The following UNC13C variants were observed in gnomAD, a reference collection of about 807,000 sequenced individuals.
The protein encoded by UNC13C is protein unc-13 homolog C.
UNC13C carries 174 observed loss-of-function variants against 245.4 expected under a neutral mutation model. That is an observed-to-expected ratio of 0.71 (90% CI 0.63 to 0.80). The LOEUF (loss-of-function observed/expected upper bound fraction) is 0.80. Ranked by LOEUF, UNC13C falls within the 30% of genes least tolerant of loss-of-function variation. The pLI, the probability that UNC13C is intolerant of heterozygous loss-of-function variation, is 0.00. For synonymous variants in UNC13C, 992 were observed against 895.1 expected (o/e 1.11, Z -1.93); for missense variants, 2,829 against 2,602.9 (o/e 1.09, Z -1.89).
chr15:54,279,577 T>G lies in UNC13C; in HGVS notation c.3818+14081T>G, dbSNP rs367980780. Among the ~76,000 whole-genome samples, 4 of 152,314 alleles carry G rather than the reference T, an allele frequency of 2.6e-5. No homozygotes were observed. In the East Asian group the frequency reaches 5.8e-4, roughly 22 times the overall value. ...ATTTCCATCATTGCCTCAAAGTTTC[T>G]TGAAAGATGGCAGCTCTTCTTTTCT... On this transcript the variant is annotated intron_variant, in intron 10 of 32. Coordinates refer to ENST00000260323, the MANE Select transcript of UNC13C (RefSeq NM_001080534.3).
chr15:54,062,104 G>C (rs1897867019), intron 2 of UNC13C, among the ~76,000 whole-genome samples: 1 of 152,036 alleles, frequency 6.6e-6, no homozygotes, highest in African/African-American at 2.4e-5. Flanking sequence ...TGGATCACCT[G>C]AGGTCAGGAA....
chr15:54,595,915 C>G (rs1249317332), intron 30 of UNC13C, among the ~76,000 whole-genome samples: 1 of 152,032 alleles, frequency 6.6e-6, no homozygotes, highest in East Asian at 1.9e-4. Context: ...TACTCAATCT[C>G]TTAAATGATT....
At chr15:54,386,690 T>C (rs1384245866) in intron 17 of UNC13C, among the ~76,000 whole-genome samples, 1 of 152,228 alleles carries the variant, frequency 6.6e-6, no homozygotes, top group East Asian at 1.9e-4. Flanking sequence ...AGATATGGTC[T>C]AGACATTATT....
At chr15:54,187,381 A>C (rs1821803002) in intron 4 of UNC13C, among the ~76,000 whole-genome samples, 1 of 152,120 alleles carries the variant, frequency 6.6e-6, no homozygotes, top group Non-Finnish European at 1.5e-5. Context: ...TACTACTCAG[A>C]CTTCTTTAAT....
At chr15:54,405,972 A>T (rs1215985995) in intron 18 of UNC13C, among the ~76,000 whole-genome samples, 1 of 135,500 alleles carries the variant, frequency 7.4e-6, no homozygotes, top group East Asian at 2.2e-4. Flanking sequence ...TACAGTAAAG[A>T]GATGCTATGT....
chr15:53,998,298 T>A (rs1336120048), intron 1 of UNC13C, among the ~76,000 whole-genome samples: 1 of 152,206 alleles, frequency 6.6e-6, no homozygotes. Context: ...ATATATTATC[T>A]CTTTAGTTAT....
intron 19 of UNC13C, among the ~76,000 whole-genome samples, chr15:54,488,165 T>C (rs2141076871): frequency 6.6e-6 from 1 of 152,324 alleles, no homozygotes; most frequent in East Asian, 1.9e-4. Flanking sequence ...ATATTGTTAA[T>C]GTGAAGTTAT....
At chr15:54,042,194 T>A (rs1280606694) in intron 2 of UNC13C, among the ~76,000 whole-genome samples, 1 of 152,300 alleles carries the variant, frequency 6.6e-6, no homozygotes, top group East Asian at 1.9e-4. Context: ...AATATCACAA[T>A]ACTTCAGAAT....
At chr15:54,249,529 T>C (rs533830435) in intron 7 of UNC13C, among the ~76,000 whole-genome samples, 20 of 152,324 alleles carry the variant, frequency 1.3e-4, no homozygotes, top group African/African-American at 4.8e-4. Flanking sequence ...TTCCTGCTTA[T>C]AGAGGCCCCT....
chr15:53,887,658 T>C, the UNC13C span, among the ~76,000 whole-genome samples: 3 of 96,158 alleles, frequency 3.1e-5, no homozygotes, highest in Admixed American at 9.7e-5. Flanking sequence ...TGTGGTTTGC[T>C]ACACCCTTCA....
the UNC13C span, among the ~76,000 whole-genome samples, chr15:53,934,672 G>T: frequency 4.5e-3 from 682 of 152,246 alleles, 10 homozygotes; most frequent in African/African-American, 0.016. Context: ...TAGAATAGGT[G>T]CTTATGAGTA....
chr15:53,879,310 C>T, the UNC13C span, among the ~76,000 whole-genome samples: 2 of 152,076 alleles, frequency 1.3e-5, no homozygotes, highest in East Asian at 3.9e-4. Flanking sequence ...TACAGGCACA[C>T]ACCACCACAC....
At chr15:54,028,039 T>C (rs117840180) in intron 2 of UNC13C, among the ~76,000 whole-genome samples, 373 of 152,268 alleles carry the variant, frequency 2.4e-3, no homozygotes, top group Middle Eastern at 0.014. Flanking sequence ...ACATTGTACA[T>C]TAACACTGTA....
chr15:54,562,995 A>T (rs1897358382), intron 29 of UNC13C, among the ~76,000 whole-genome samples: 1 of 152,058 alleles, frequency 6.6e-6, no homozygotes, highest in Non-Finnish European at 1.5e-5. Context: ...TTATGAAATC[A>T]TGTTGAATTT....
intron 30 of UNC13C, among the ~76,000 whole-genome samples, chr15:54,613,277 G>C (rs1596677145): frequency 6.6e-6 from 1 of 151,850 alleles, no homozygotes; most frequent in South Asian, 2.1e-4. Context: ...TTGAAATTCA[G>C]AGCAAGCAAT....
intron 4 of UNC13C, among the ~76,000 whole-genome samples, chr15:54,156,743 G>A (rs1897057): frequency 0.98 from 139,204 of 141,688 alleles, 68,547 homozygotes; most frequent in Middle Eastern, 1. Context: ...GAGTCTGAGA[G>A]TAGAGAAGCT....
the UNC13C span, among the ~76,000 whole-genome samples, chr15:53,956,474 T>C: frequency 6.6e-6 from 1 of 151,362 alleles, no homozygotes; most frequent in African/African-American, 2.4e-5. Context: ...TGCCCCAAAC[T>C]CTTGTTCTTA....
chr15:54,230,754 A>G (rs958242938), intron 4 of UNC13C, among the ~76,000 whole-genome samples: 1 of 152,042 alleles, frequency 6.6e-6, no homozygotes, highest in Non-Finnish European at 1.5e-5. Flanking sequence ...TATATTTTAA[A>G]GGTCTCGCTA....
At chr15:54,425,777 C>T (rs994194388) in intron 19 of UNC13C, among the ~76,000 whole-genome samples, 10 of 151,800 alleles carry the variant, frequency 6.6e-5, no homozygotes, top group African/African-American at 9.7e-5. Flanking sequence ...CAAATTATCA[C>T]CAAAGTTAGT....
Sources: gnomAD v4.1 joint callset for allele counts (sites outside exome capture counted in the v4.1 genomes callset) on GRCh38, gnomAD v4.1.1 for gene constraint, MANE v1.5 for transcripts, NCBI Gene and HGNC (gene_info 2026-07-23, HGNC 2026-07-21) for gene names.